The following DTNB variants were observed in gnomAD, a reference collection of about 807,000 sequenced individuals.
DTNB encodes dystrobrevin beta, also known as DTN-B.
DTNB carries 63 observed loss-of-function variants against 90.7 expected under a neutral mutation model. The observed-to-expected ratio is 0.69, with a 90% CI of 0.57 to 0.86. The LOEUF (loss-of-function observed/expected upper bound fraction) is 0.86, where lower values mean the gene tolerates loss of function less well. DTNB is among the 40% of genes least tolerant of loss of function. DTNB has a pLI of 0.00. For synonymous variants in DTNB, 277 were observed against 286.7 expected (o/e 0.97, Z 0.34); for missense variants, 744 against 807.1 (o/e 0.92, Z 0.95).
At position 25,388,287 on chromosome 2, in the gene DTNB, G is replaced by A. The variant is rs755313872; in HGVS notation, c.1650C>T (p.Ser550=). The stretch of plus-strand genomic sequence containing the variant: ...GGGTGGGGGTGGAGCCGGCAGACGT[G>A]GAGCGCACTGGCATGGGCATTGGCC... ...GGRPMPMPVR[S]TSAGSTPTHC... The change falls in exon 17 of 21, where the codon TCC becomes TCT. Residue 550 remains serine, a synonymous_variant. Coordinates refer to ENST00000406818, the MANE Select transcript of DTNB (RefSeq NM_021907.5). 3.7e-6 allele frequency: 6 copies of A among 1,613,082 alleles called. No individual in the cohort carries two copies. The East Asian group carries it at 8.9e-5, about 24-fold the overall frequency.
chr2:25,397,352 AAAAG>A (rs1176245417), intron 16 of DTNB, among the ~76,000 whole-genome samples: 5 of 151,498 alleles, frequency 3.3e-5, no homozygotes, highest in African/African-American at 1.2e-4. Context: ...AAAAAAAAAA[AAAAG>A]AAAGAAAACA....
intron 1 of DTNB, among the ~76,000 whole-genome samples, chr2:25,662,681 A>ACTCAAACAC: frequency 9.6e-6 from 1 of 104,462 alleles, no homozygotes. Context: ...CACACACACA[A>ACTCAAACAC]ACACACACAC....
intron 8 of DTNB, among the ~76,000 whole-genome samples, chr2:25,533,990 A>AC (rs2078823852): frequency 6.8e-6 from 1 of 147,558 alleles, no homozygotes; most frequent in Non-Finnish European, 1.5e-5. Context: ...TGCAGCGTTT[A>AC]TTTTTTTTTT....
At chr2:25,457,764 A>G (rs1407898776) in intron 10 of DTNB, among the ~76,000 whole-genome samples, 1 of 152,178 alleles carries the variant, frequency 6.6e-6, no homozygotes, top group Admixed American at 6.5e-5. Flanking sequence ...TCCATTTACA[A>G]AATACTGTAA....
chr2:25,559,228 T>C (rs2057862264), intron 8 of DTNB, among the ~76,000 whole-genome samples: 1 of 152,198 alleles, frequency 6.6e-6, no homozygotes, highest in Non-Finnish European at 1.5e-5. Flanking sequence ...CTTCTCCTTG[T>C]CTTCATAGTC....
chr2:25,566,025 TTA>T (rs2058973195), intron 8 of DTNB, among the ~76,000 whole-genome samples: 1 of 152,158 alleles, frequency 6.6e-6, no homozygotes, highest in Admixed American at 6.5e-5. Flanking sequence ...TTCGATTACA[TTA>T]TGTTATAAGG....
intron 1 of DTNB, among the ~76,000 whole-genome samples, chr2:25,672,412 C>G (rs2086213278): frequency 6.6e-6 from 1 of 152,008 alleles, no homozygotes; most frequent in South Asian, 2.1e-4. Flanking sequence ...ATTTAGCAGT[C>G]AATAGTCATG....
intron 3 of DTNB, among the ~76,000 whole-genome samples, chr2:25,631,216 T>G (rs1304333950): frequency 6.6e-6 from 1 of 152,178 alleles, no homozygotes; most frequent in Admixed American, 6.5e-5. Context: ...TATATGAATT[T>G]TATGTAATTT....
chr2:25,576,713 T>C (rs1275373295), intron 8 of DTNB, 125 bp downstream of exon 8: 2 of 1,179,980 alleles, frequency 1.7e-6, no homozygotes, highest in Non-Finnish European at 2.2e-6. Flanking sequence ...GCATAAATGT[T>C]AGTGTTAAGA....
chr2:25,477,540 A>G (rs1423196200), intron 10 of DTNB, among the ~76,000 whole-genome samples: 1 of 152,196 alleles, frequency 6.6e-6, no homozygotes, highest in Non-Finnish European at 1.5e-5. Context: ...AGGCTCTAAT[A>G]TTTACCATTT....
At chr2:25,422,617 G>A (rs2149829839) in intron 15 of DTNB, among the ~76,000 whole-genome samples, 1 of 152,018 alleles carries the variant, frequency 6.6e-6, no homozygotes. Context: ...TATTGGCCAG[G>A]CTGGTCTTGA....
chr2:25,586,338 C>T (rs1014168181), intron 6 of DTNB, among the ~76,000 whole-genome samples: 9 of 151,216 alleles, frequency 6.0e-5, no homozygotes, highest in Non-Finnish European at 1.0e-4. Context: ...TGGTGAAACC[C>T]CATCTCACTA....
chr2:25,393,367 G>C (rs1340497845), intron 16 of DTNB, among the ~76,000 whole-genome samples: 1 of 152,116 alleles, frequency 6.6e-6, no homozygotes, highest in East Asian at 1.9e-4. Flanking sequence ...ACATAGTACT[G>C]GAAGTCCTAG....
chr2:25,388,425 A>G lies in DTNB; in HGVS notation c.1576-64T>C. The G allele has an allele frequency of 1.4e-5, 22 of 1,525,062 alleles. 1 individual carries two copies. In the South Asian group the frequency reaches 2.9e-4, roughly 20 times the overall value. The allele number at this position is 1,525,062 out of a possible 1,614,324, so 94.5% of individuals were successfully genotyped here. On this transcript the variant is annotated intron_variant, in intron 16 of 20. Transcript: ENST00000406818. ...CCTGACCTCTTTGAGGAAGGAAGAA[A>G]GTACTTTTTCTCCATCAACCAGAGC... is the stretch of plus-strand genomic sequence containing the variant.
At chr2:25,434,762 T>C (rs1465210077) in intron 12 of DTNB, among the ~76,000 whole-genome samples, 1 of 152,218 alleles carries the variant, frequency 6.6e-6, no homozygotes, top group African/African-American at 2.4e-5. Context: ...ATAACTATAA[T>C]TAACATCTGA....
chr2:25,566,188 G>C (rs1194142380), intron 8 of DTNB, among the ~76,000 whole-genome samples: 1 of 152,150 alleles, frequency 6.6e-6, no homozygotes, highest in East Asian at 1.9e-4. Flanking sequence ...AACTGCCTAT[G>C]GGGGGCCACA....
intron 1 of DTNB, among the ~76,000 whole-genome samples, chr2:25,667,295 C>G (rs1176629397): frequency 6.6e-6 from 1 of 152,028 alleles, no homozygotes; most frequent in Non-Finnish European, 1.5e-5. Context: ...TTGAGACCAG[C>G]CTGGCCAACA....
At chr2:25,442,274 T>C (rs187490846) in intron 12 of DTNB, among the ~76,000 whole-genome samples, 1 of 152,358 alleles carries the variant, frequency 6.6e-6, no homozygotes, top group East Asian at 1.9e-4. Flanking sequence ...CCAAAACTAA[T>C]GGTTTTCAAC....
At chr2:25,467,079 CTT>C (rs1275948688) in intron 10 of DTNB, among the ~76,000 whole-genome samples, 1 of 152,134 alleles carries the variant, frequency 6.6e-6, no homozygotes, top group Non-Finnish European at 1.5e-5. Flanking sequence ...GTATTATACT[CTT>C]TTAATTTCAT....
Sources: gnomAD v4.1 joint callset for allele counts (sites outside exome capture counted in the v4.1 genomes callset) on GRCh38, gnomAD v4.1.1 for gene constraint, MANE v1.5 for transcripts, NCBI Gene and HGNC (gene_info 2026-07-23, HGNC 2026-07-21) for gene names.